Variants in FAM76B observed in about 807,000 individuals in gnomAD.
The protein encoded by FAM76B is family with sequence similarity 76 member B.
In FAM76B, 16 loss-of-function variants were observed where a neutral mutation model predicts 51.8. The ratio of observed to expected loss-of-function variants is 0.31; its 90% CI spans 0.21 to 0.47. The LOEUF (loss-of-function observed/expected upper bound fraction) is 0.47. Among genes scored for constraint, FAM76B ranks in the 20% least tolerant of loss-of-function variants. The pLI is 1.00. For synonymous variants in FAM76B, 166 were observed against 129.5 expected, an observed-to-expected ratio of 1.28 and a Z score of -1.91; for missense variants, 342 against 392.6, an observed-to-expected ratio of 0.87 and a Z score of 1.09.
chr11:95,784,494 T>C (rs1860444551), intron 4 of FAM76B, among the ~76,000 whole-genome samples: 1 of 151,888 alleles, frequency 6.6e-6, no homozygotes, highest in Non-Finnish European at 1.5e-5. Context: ...GTGTGTTACA[T>C]AAGTTATGTT....
At chr11:95,774,494 T>A (rs1217698608) in intron 9 of FAM76B, among the ~76,000 whole-genome samples, 2 of 151,360 alleles carry the variant, frequency 1.3e-5, no homozygotes, top group African/African-American at 2.4e-5. Flanking sequence ...TGGGGAGCAC[T>A]AAGTTAAAAC....
Position 95,786,230 on chromosome 11 carries a change from A to C in FAM76B, c.252T>G (p.Gly84=), listed in dbSNP as rs745666558. 2.5e-6 allele frequency: 4 copies of C among 1,614,150 alleles called. No homozygotes were observed. In the African/African-American group the frequency reaches 4.0e-5, roughly 16 times the overall value. ...AATTTGTGCAACGCTGACACTTGGT[A>C]CCAATAAATGCTGCAATTATGTTAC... ...QYCNIIAAFI[G]TKCQRCTNSE... is the part of the protein sequence containing the mutation. The change falls in exon 4 of 10, where the codon GGT becomes GGG. Residue 84 remains glycine, a synonymous_variant. Coordinates refer to ENST00000358780, the MANE Select transcript of FAM76B (RefSeq NM_144664.5).
rs1449054689 is a variant in FAM76B at position 95,789,721 on chromosome 11, A to G, written c.-243T>C. 4.1e-6 allele frequency: 2 copies of G among 484,624 alleles called. No homozygotes were observed. The allele number at this position is 484,624 out of a possible 1,614,324, so 30.0% of individuals were successfully genotyped here. On this transcript the variant is annotated 5_prime_UTR_variant, in exon 1 of 10. Transcript: ENST00000358780. ...GCCAGCCGCTCCCGCTTAGGCCCCG[A>G]TAGCGGCGGAGGGAGACGAAGCGGG...
At chr11:95,781,687 AAAGC>A (rs1467843989) in intron 5 of FAM76B, among the ~76,000 whole-genome samples, 5 of 152,158 alleles carry the variant, frequency 3.3e-5, no homozygotes, top group African/African-American at 7.2e-5. Context: ...ATTTTTTCTT[AAAGC>A]AAGAAGCAAA....
intron 9 of FAM76B, among the ~76,000 whole-genome samples, chr11:95,772,814 C>A (rs1478562405): frequency 6.6e-6 from 1 of 151,000 alleles, no homozygotes; most frequent in Admixed American, 6.6e-5. Flanking sequence ...ATTCCCCCAC[C>A]CTTCTTCTCC....
rs370372757 is a variant in FAM76B, at chr11:95,786,071, G to A, written c.363+48C>T. ...TTAATTATAATTTCCAACTTGTTTG[G>A]CATTTTATTTAATTTCCAGAAGATG... is the stretch of plus-strand genomic sequence containing the variant. On this transcript the variant is annotated intron_variant, in intron 4 of 9. Coordinates refer to ENST00000358780, the MANE Select transcript of FAM76B (RefSeq NM_144664.5). 1.0e-4 allele frequency: 158 copies of A among 1,572,078 alleles called. 1 individual carries two copies. Among genetic ancestry groups the A allele is most frequent in the Middle Eastern group, 1.7e-4 (1 of 5,842 alleles).
At chr11:95,780,685 A>C (rs1456559017) in intron 5 of FAM76B, among the ~76,000 whole-genome samples, 4 of 151,982 alleles carry the variant, frequency 2.6e-5, no homozygotes, top group Non-Finnish European at 4.4e-5. Context: ...TCTCCTATGA[A>C]CCAGATGCCA....
At chr11:95,789,045 A>G in intron 1 of FAM76B, 1 of 1,376,138 alleles carries the variant, frequency 7.3e-7, no homozygotes, top group Non-Finnish European at 9.5e-7. Context: ...AGAAGAGGAC[A>G]GACCAGGCAG....
rs973159275 is a variant in FAM76B at position 95,775,903 on chromosome 11, C to T, written c.930+19G>A. 7 of 1,491,716 alleles carry T rather than the reference C, an allele frequency of 4.7e-6. No homozygotes were observed. The highest frequency in any genetic ancestry group is 2.9e-5 in the African/African-American group (2 of 69,662). 92.4% of individuals were successfully genotyped at this position (1,491,716 alleles called of 1,614,324 possible). On this transcript the variant is annotated intron_variant, in intron 9 of 9. Coordinates refer to ENST00000358780, the MANE Select transcript of FAM76B (RefSeq NM_144664.5). ...TTAGCCCTTCTTGCCTATCATTTTA[C>T]GTAAATGATGGTAGTTACCTGAAGT...
rs868335001 is a variant in FAM76B at position 95,788,638 on chromosome 11, A to G, written c.88-75T>C. The G allele has an allele frequency of 1.4e-4, 196 of 1,438,842 alleles. 1 individual carries two copies. The Middle Eastern group carries it at 4.2e-3, about 31-fold the overall frequency. The allele number at this position is 1,438,842 out of a possible 1,614,324, so 89.1% of individuals were successfully genotyped here. ...TCACTTTTCTGGTAGAAAACTGTTT[A>G]CCCAACCTAGTGAAAGTCTAAAACA... is the stretch of plus-strand genomic sequence containing the variant. On this transcript the variant is annotated intron_variant, in intron 1 of 9. Coordinates refer to ENST00000358780, the MANE Select transcript of FAM76B (RefSeq NM_144664.5).
intron 9 of FAM76B, among the ~76,000 whole-genome samples, chr11:95,775,631 A>C (rs1289303801): frequency 6.7e-6 from 1 of 150,004 alleles, no homozygotes; most frequent in Non-Finnish European, 1.5e-5. Context: ...ATTTTTTGCT[A>C]TAAGCCCAAT....
chr11:95,781,533 T>C (rs1039841555), intron 5 of FAM76B, among the ~76,000 whole-genome samples: 4 of 152,178 alleles, frequency 2.6e-5, no homozygotes, highest in Admixed American at 1.3e-4. Context: ...TCACATACTT[T>C]AGTCTTCACA....
chr11:95,789,547 C>G lies in FAM76B; in HGVS notation c.-69G>C. 7.0e-7 allele frequency: 1 copy of G among 1,419,288 alleles called. No individual in the cohort carries two copies. Among genetic ancestry groups the G allele is most frequent in the East Asian group, 2.7e-5 (1 of 37,196 alleles). The allele number at this position is 1,419,288 out of a possible 1,614,324, so 87.9% of individuals were successfully genotyped here. A position where few individuals can be genotyped will look rare whatever the true frequency, so the allele number is the denominator to read the frequency against. On this transcript the variant is annotated 5_prime_UTR_variant, in exon 1 of 10. Coordinates refer to ENST00000358780, the MANE Select transcript of FAM76B (RefSeq NM_144664.5). ...GGGGCCCTACGGAGAACCCGAGAGC[C>G]GCCGCCGCCCGGGCCGCGGGCTCCT...
At chr11:95,783,029 G>T in intron 5 of FAM76B, 36 bp downstream of exon 5, 1 of 1,606,866 alleles carries the variant, frequency 6.2e-7, no homozygotes. Context: ...AAAATGCAAG[G>T]AAGAGTTTTA....
At position 95,775,472 on chromosome 11, in the gene FAM76B, C is replaced by T. The variant is rs538525786; in HGVS notation, c.930+450G>A. 7.9e-5 allele frequency among the ~76,000 whole-genome samples: 12 copies of T among 151,558 alleles called. No homozygotes were observed. The South Asian group carries it at 1.2e-3, about 16-fold the overall frequency. ...TACACAGGTTAAGTAAACTCTCTTG[C>T]TTTGCACACATTTTTGCCACTCCAG... On this transcript the variant is annotated intron_variant, in intron 9 of 9. Transcript: ENST00000358780.
chr11:95,779,815 A>C, intron 6 of FAM76B, 64 bp downstream of exon 6: 1 of 1,563,120 alleles, frequency 6.4e-7, no homozygotes, highest in Non-Finnish European at 8.7e-7. Flanking sequence ...AACAAAGTTG[A>C]AGGGATATCA....
intron 8 of FAM76B, 100 bp downstream of exon 8, chr11:95,778,722 A>C: frequency 3.6e-6 from 5 of 1,404,764 alleles, no homozygotes; most frequent in Non-Finnish European, 4.7e-6. Context: ...ACGCACAACA[A>C]ACATTACCAA....
intron 5 of FAM76B, among the ~76,000 whole-genome samples, chr11:95,780,666 T>C (rs1860219423): frequency 6.6e-6 from 1 of 152,008 alleles, no homozygotes; most frequent in African/African-American, 2.4e-5. Flanking sequence ...ACTCAGCATG[T>C]AGAGAGCATC....
chr11:95,785,957 CA>C (rs1387363241), intron 4 of FAM76B, among the ~76,000 whole-genome samples, 161 bp downstream of exon 4: 1 of 152,172 alleles, frequency 6.6e-6, no homozygotes, highest in East Asian at 1.9e-4. Context: ...ATGTATCATG[CA>C]AACAAAGAGA....
Sources: gnomAD v4.1 joint callset for allele counts (sites outside exome capture counted in the v4.1 genomes callset) on GRCh38, gnomAD v4.1.1 for gene constraint, MANE v1.5 for transcripts, NCBI Gene and HGNC (gene_info 2026-07-23, HGNC 2026-07-21) for gene names.